Variants in TAOK3 observed in about 807,000 individuals in gnomAD.
TAOK3 encodes TAO kinase 3.
In TAOK3, 40 loss-of-function variants were observed where a neutral mutation model predicts 120.4. That is an observed-to-expected ratio of 0.33 (90% confidence interval 0.26 to 0.43). The LOEUF (loss-of-function observed/expected upper bound fraction) is 0.43. Ranked by LOEUF, TAOK3 falls within the 20% of genes least tolerant of loss-of-function variation. The pLI, the probability that TAOK3 is intolerant of heterozygous loss-of-function variation, is 1.00. For synonymous variants in TAOK3, 355 were observed against 387.5 expected (o/e 0.92, Z 0.99); for missense variants, 821 against 1,112.1 (o/e 0.74, Z 3.72).
intron 1 of TAOK3, among the ~76,000 whole-genome samples, chr12:118,341,194 T>C (rs948038345): frequency 2.0e-5 from 3 of 151,964 alleles, no homozygotes; most frequent in African/African-American, 4.8e-5. Flanking sequence ...AGAGACAGGG[T>C]TTCGCCATGT....
chr12:118,364,632 G>T lies in TAOK3; in HGVS notation c.-194+8016C>A, dbSNP rs539132946. ...TCAAGTGATTAAAATAAGAGGCCAGGCACAGTGGCTGGTGCCTGTAATCCC... is the reference window on the plus strand; with the variant it reads ...TCAAGTGATTAAAATAAGAGGCCAGTCACAGTGGCTGGTGCCTGTAATCCC... On this transcript the variant is annotated intron_variant, in intron 1 of 20. Coordinates refer to ENST00000392533, the MANE Select transcript of TAOK3 (RefSeq NM_016281.4). Among the ~76,000 whole-genome samples the T allele has an allele frequency of 1.8e-4, 27 of 152,318 alleles. 1 individual carries two copies. In the South Asian group the frequency reaches 3.5e-3, roughly 20 times the overall value.
intron 1 of TAOK3, among the ~76,000 whole-genome samples, chr12:118,279,217 A>G (rs1375291725): frequency 1.3e-5 from 2 of 152,064 alleles, no homozygotes; most frequent in South Asian, 2.1e-4. Context: ...GGTTGTGTGC[A>G]TGTCTTCTTT....
intron 9 of TAOK3, among the ~76,000 whole-genome samples, chr12:118,223,271 C>T (rs2039336007): frequency 6.6e-6 from 1 of 151,472 alleles, no homozygotes; most frequent in South Asian, 2.1e-4. Flanking sequence ...CGGGGTTTCA[C>T]TGTGGTCTCG....
At chr12:118,168,888 GC>G (rs564744866) in intron 17 of TAOK3, among the ~76,000 whole-genome samples, 5 of 152,236 alleles carry the variant, frequency 3.3e-5, no homozygotes, top group African/African-American at 1.2e-4. Flanking sequence ...CTGGCCATTA[GC>G]CTTTTTCATT....
chr12:118,291,822 A>AT (rs1002520738), intron 1 of TAOK3, among the ~76,000 whole-genome samples: 58 of 150,714 alleles, frequency 3.8e-4, no homozygotes, highest in African/African-American at 7.5e-4. Flanking sequence ...ATGAAAAAAA[A>AT]TTTTTTTTTT....
At chr12:118,194,023 A>G (rs1327733961) in intron 13 of TAOK3, among the ~76,000 whole-genome samples, 1 of 152,200 alleles carries the variant, frequency 6.6e-6, no homozygotes, top group Admixed American at 6.5e-5. Context: ...ATTTTGAGAA[A>G]ATGACATTTT....
intron 1 of TAOK3, among the ~76,000 whole-genome samples, chr12:118,309,553 T>A (rs1030227636): frequency 6.6e-6 from 1 of 151,834 alleles, no homozygotes; most frequent in Admixed American, 6.6e-5. Context: ...CTTGCTCTTA[T>A]CCCCCAGGCT....
At chr12:118,364,898 C>G (rs989294141) in intron 1 of TAOK3, among the ~76,000 whole-genome samples, 1 of 152,194 alleles carries the variant, frequency 6.6e-6, no homozygotes, top group Non-Finnish European at 1.5e-5. Flanking sequence ...GAGCAAAACT[C>G]TATTTCAAAA....
chr12:118,350,198 C>T (rs17512574), intron 1 of TAOK3, among the ~76,000 whole-genome samples: 22,469 of 152,074 alleles, frequency 0.15, 1,722 homozygotes, highest in Middle Eastern at 0.21. Flanking sequence ...CTTGGGGCCA[C>T]GTAGCACTTA....
chr12:118,179,643 GTT>G (rs566111629), intron 15 of TAOK3, among the ~76,000 whole-genome samples: 1 of 123,630 alleles, frequency 8.1e-6, no homozygotes, highest in Non-Finnish European at 1.7e-5. Flanking sequence ...TTACCCTTCT[GTT>G]TTTTTTTTTT....
At position 118,250,706 on chromosome 12, in the gene TAOK3, A is replaced by G. The variant is rs79890572; in HGVS notation, c.120+4742T>C. On this transcript the variant is annotated intron_variant, in intron 3 of 20. Transcript: ENST00000392533. ...TATCTCTCCTCTAGGAGGATAGACA[A>G]TAACAAAAATAAAACAATAAAAGAC... Among the ~76,000 whole-genome samples, 1,293 of 152,308 alleles carry G rather than the reference A, an allele frequency of 8.5e-3. 12 individuals carry two copies. Among genetic ancestry groups the G allele is most frequent in the African/African-American group, 0.029 (1,194 of 41,558 alleles).
At chr12:118,151,289 G>GCA (rs773751889) in intron 20 of TAOK3, 131 bp from the exon 21 acceptor site, 2,880 of 252,950 alleles carry the variant, frequency 0.011, 61 homozygotes, top group African/African-American at 0.083. Context: ...GCGCGCGCGC[G>GCA]CACACACACA....
intron 12 of TAOK3, chr12:118,200,151 G>C (rs919956561): frequency 6.6e-6 from 1 of 152,130 alleles, no homozygotes; most frequent in African/African-American, 2.4e-5. Flanking sequence ...CAATTAAAGG[G>C]GATCATTTCT....
intron 9 of TAOK3, among the ~76,000 whole-genome samples, chr12:118,215,234 G>T (rs1316653302): frequency 2.1e-4 from 29 of 135,336 alleles, no homozygotes; most frequent in African/African-American, 7.5e-4. Flanking sequence ...GGTGGCTCAC[G>T]CCTGTAATCC....
intron 1 of TAOK3, among the ~76,000 whole-genome samples, chr12:118,363,578 T>C (rs1372978891): frequency 6.6e-6 from 1 of 152,064 alleles, no homozygotes; most frequent in Non-Finnish European, 1.5e-5. Flanking sequence ...AGGAGGATAA[T>C]CAGAGAAGGA....
At chr12:118,341,416 C>G (rs1482240083) in intron 1 of TAOK3, among the ~76,000 whole-genome samples, 2 of 148,556 alleles carry the variant, frequency 1.3e-5, no homozygotes, top group Non-Finnish European at 3.0e-5. Flanking sequence ...CCATTTTTTT[C>G]TATATGAGTC....
At chr12:118,328,208 C>A (rs925483139) in intron 1 of TAOK3, among the ~76,000 whole-genome samples, 2 of 151,936 alleles carry the variant, frequency 1.3e-5, no homozygotes, top group African/African-American at 4.8e-5. Context: ...TTACAGCCAC[C>A]CGCCACCACG....
intron 15 of TAOK3, 100 bp downstream of exon 15, chr12:118,181,271 T>A: frequency 1.9e-6 from 2 of 1,041,440 alleles, no homozygotes; most frequent in Non-Finnish European, 2.9e-6. Flanking sequence ...AAACAACAAT[T>A]TTCCTCCATC....
rs140121843 is a variant in TAOK3, at chr12:118,360,824, T to C, written c.-194+11824A>G. On this transcript the variant is annotated intron_variant, in intron 1 of 20. Transcript: ENST00000392533. ...TAGTTAGTGTAGTTACTAAGAAGCA[T>C]TGTAATAAGTGGTCACCAATTTAAA... 2.8e-3 allele frequency among the ~76,000 whole-genome samples: 433 copies of C among 152,308 alleles called. 2 individuals are homozygous for C. Among genetic ancestry groups the C allele is most frequent in the African/African-American group, 0.01 (419 of 41,584 alleles).
Sources: gnomAD v4.1 joint callset for allele counts (sites outside exome capture counted in the v4.1 genomes callset) on GRCh38, gnomAD v4.1.1 for gene constraint, MANE v1.5 for transcripts, NCBI Gene and HGNC (gene_info 2026-07-23, HGNC 2026-07-21) for gene names.